TMEM132B: variants seen among roughly 807,000 people sequenced by gnomAD.
TMEM132B encodes transmembrane protein 132B.
In TMEM132B, 18 loss-of-function variants were observed where a neutral mutation model predicts 90.8. The observed-to-expected ratio is 0.20, with a 90% confidence interval of 0.14 to 0.29. The LOEUF (loss-of-function observed/expected upper bound fraction) is 0.29, where lower values mean the gene tolerates loss of function less well. TMEM132B is among the 10% of genes least tolerant of loss of function. TMEM132B has a pLI of 1.00. For synonymous variants in TMEM132B, 504 were observed against 523.3 expected (o/e 0.96, Z 0.50); for missense variants, 1,096 against 1,326.8 (o/e 0.83, Z 2.70).
intron 4 of TMEM132B, among the ~76,000 whole-genome samples, chr12:125,522,902 A>G (rs1418230752): frequency 6.6e-6 from 1 of 152,196 alleles, no homozygotes; most frequent in African/African-American, 2.4e-5. Flanking sequence ...ATCTATTTTC[A>G]CAGAGCAGGT....
At chr12:125,452,578 A>G (rs1881183965) in intron 3 of TMEM132B, among the ~76,000 whole-genome samples, 1 of 152,230 alleles carries the variant, frequency 6.6e-6, no homozygotes. Context: ...TGACAGTAGT[A>G]GTATATACTC....
chr12:125,317,173 G>C (rs1358340942), intron 1 of TMEM132B, among the ~76,000 whole-genome samples: 1 of 152,104 alleles, frequency 6.6e-6, no homozygotes, highest in East Asian at 1.9e-4. Flanking sequence ...TCCCCTCTCT[G>C]TGCCTCAGTT....
At chr12:125,227,389 GC>G (rs1241071516) in intron 1 of TMEM132B, among the ~76,000 whole-genome samples, 1 of 152,178 alleles carries the variant, frequency 6.6e-6, no homozygotes, top group African/African-American at 2.4e-5. Context: ...AGGTTGAAGA[GC>G]TTAGTCAAGG....
chr12:125,605,269 GTTAGCAA>G (rs1335469998), intron 5 of TMEM132B, among the ~76,000 whole-genome samples: 1 of 152,158 alleles, frequency 6.6e-6, no homozygotes, highest in Non-Finnish European at 1.5e-5. Context: ...TGAGTGGGTG[GTTAGCAA>G]TCATCTTTAT....
At chr12:125,249,521 C>T (rs1874272812) in intron 1 of TMEM132B, among the ~76,000 whole-genome samples, 1 of 152,178 alleles carries the variant, frequency 6.6e-6, no homozygotes, top group East Asian at 1.9e-4. Flanking sequence ...AACCATCAGC[C>T]AGATGCCACA....
At chr12:125,312,640 A>G (rs893752338) in intron 1 of TMEM132B, among the ~76,000 whole-genome samples, 1 of 152,156 alleles carries the variant, frequency 6.6e-6, no homozygotes, top group Non-Finnish European at 1.5e-5. Flanking sequence ...CAGCTAATGT[A>G]TCTGGATGGT....
At chr12:125,613,161 TTTA>T (rs1885899388) in intron 5 of TMEM132B, among the ~76,000 whole-genome samples, 1 of 124,290 alleles carries the variant, frequency 8.0e-6, no homozygotes, top group African/African-American at 3.1e-5. Context: ...ATCATATATA[TTTA>T]TATATTATAT....
At chr12:125,260,922 T>TTGTGTGTGTG (rs60739492) in intron 1 of TMEM132B, among the ~76,000 whole-genome samples, 6,206 of 148,198 alleles carry the variant, frequency 0.042, 156 homozygotes, top group African/African-American at 0.058. Context: ...TCTCTACAGA[T>TTGTGTGTGTG]TGTGTGTGTG....
Position 125,581,582 on chromosome 12 carries a change from A to T in TMEM132B, c.1294-2269A>T, listed in dbSNP as rs535544398. Among the ~76,000 whole-genome samples, 29 of 152,306 alleles carry T rather than the reference A, an allele frequency of 1.9e-4. No homozygotes were observed. In the East Asian group the frequency reaches 5.6e-3, roughly 29 times the overall value. On this transcript the variant is annotated intron_variant, in intron 4 of 8. Coordinates refer to ENST00000682704, the MANE Select transcript of TMEM132B (RefSeq NM_001366854.1). The stretch of plus-strand genomic sequence containing the variant: ...CTGGGATCAGCGCCACCCAGTCCAC[A>T]TTCACTGATGGCAGGAATCGGGTGA...
intron 1 of TMEM132B, among the ~76,000 whole-genome samples, chr12:125,266,498 T>C (rs1286160497): frequency 6.6e-6 from 1 of 152,218 alleles, no homozygotes; most frequent in African/African-American, 2.4e-5. Flanking sequence ...ATGTACATGG[T>C]CAAAATGGAA....
At chr12:125,452,080 C>T (rs1881167608) in intron 3 of TMEM132B, among the ~76,000 whole-genome samples, 1 of 152,160 alleles carries the variant, frequency 6.6e-6, no homozygotes, top group African/African-American at 2.4e-5. Flanking sequence ...CTTAGCTGAC[C>T]CCCGTCTGGT....
chr12:125,435,607 G>C (rs1880677190), intron 3 of TMEM132B, among the ~76,000 whole-genome samples: 1 of 152,236 alleles, frequency 6.6e-6, no homozygotes, highest in Non-Finnish European at 1.5e-5. Context: ...AATGGTCAAT[G>C]TCCTCCATGA....
At chr12:125,396,260 A>G (rs889955467) in intron 2 of TMEM132B, among the ~76,000 whole-genome samples, 2 of 152,188 alleles carry the variant, frequency 1.3e-5, no homozygotes, top group Non-Finnish European at 2.9e-5. Flanking sequence ...TGATTCTCAC[A>G]GTAGTTTTTC....
chr12:125,239,608 G>A (rs1049455568), intron 1 of TMEM132B, among the ~76,000 whole-genome samples: 1 of 152,188 alleles, frequency 6.6e-6, no homozygotes, highest in African/African-American at 2.4e-5. Context: ...CCTTTCCATA[G>A]GACCAACAGG....
At chr12:125,320,738 A>G (rs1251392242) in intron 1 of TMEM132B, among the ~76,000 whole-genome samples, 1 of 152,200 alleles carries the variant, frequency 6.6e-6, no homozygotes, top group Admixed American at 6.5e-5. Flanking sequence ...CACGCACCAT[A>G]GGGACAAGGG....
At chr12:125,505,352 A>T (rs534498230) in intron 3 of TMEM132B, among the ~76,000 whole-genome samples, 1 of 152,126 alleles carries the variant, frequency 6.6e-6, no homozygotes, top group East Asian at 1.9e-4. Context: ...TAGAAACTAC[A>T]AAAAGAATAA....
At chr12:125,612,019 T>C (rs571036146) in intron 5 of TMEM132B, among the ~76,000 whole-genome samples, 2 of 152,178 alleles carry the variant, frequency 1.3e-5, no homozygotes, top group African/African-American at 4.8e-5. Flanking sequence ...CTCCCACTAG[T>C]ATTGTTGAAT....
At chr12:125,600,854 T>TA (rs1030754059) in intron 5 of TMEM132B, among the ~76,000 whole-genome samples, 2 of 151,600 alleles carry the variant, frequency 1.3e-5, no homozygotes, top group Non-Finnish European at 2.9e-5. Flanking sequence ...CCAACAAAGA[T>TA]AAAAAAAAGA....
intron 4 of TMEM132B, among the ~76,000 whole-genome samples, chr12:125,521,886 A>G (rs1883316853): frequency 6.6e-6 from 1 of 152,178 alleles, no homozygotes; most frequent in Non-Finnish European, 1.5e-5. Context: ...AGGGCTCAAC[A>G]CTGCTATGAT....
Sources: allele counts gnomAD v4.1 joint callset (sites outside exome capture counted in the v4.1 genomes callset), GRCh38; gene constraint gnomAD v4.1.1; transcripts MANE v1.5; gene names NCBI Gene and HGNC (gene_info 2026-07-23, HGNC 2026-07-21).